Variants in BLK observed in about 807,000 individuals in gnomAD.
BLK encodes BLK proto-oncogene, Src family tyrosine kinase.
A neutral mutation model predicts 61.8 loss-of-function variants in BLK; 64 were observed. The observed-to-expected ratio is 1.03, with a 90% CI of 0.85 to 1.27. The LOEUF is 1.27. BLK is among the 50% of genes most tolerant of loss of function. BLK has a pLI of 0.00. For missense variants in BLK, 853 were observed against 660.5 expected, an observed-to-expected ratio of 1.29 and a Z score of -3.19; for synonymous variants, 351 against 272.0, an observed-to-expected ratio of 1.29 and a Z score of -2.86.
At chr8:11,510,444 T>C (rs1160257643) in intron 1 of BLK, among the ~76,000 whole-genome samples, 1 of 152,062 alleles carries the variant, frequency 6.6e-6, no homozygotes, top group Admixed American at 6.5e-5. Flanking sequence ...GGGTTTCTAA[T>C]CAGAAGTCCA....
intron 1 of BLK, among the ~76,000 whole-genome samples, chr8:11,502,131 T>G (rs901229040): frequency 2.6e-5 from 4 of 152,210 alleles, no homozygotes; most frequent in Non-Finnish European, 5.9e-5. Context: ...CACAGTCAGT[T>G]AAAGAACCTC....
intron 1 of BLK, among the ~76,000 whole-genome samples, chr8:11,520,129 A>G (rs1799382411): frequency 6.6e-6 from 1 of 152,202 alleles, no homozygotes; most frequent in Non-Finnish European, 1.5e-5. Context: ...ATCAAACATG[A>G]TGTTTAATAT....
intron 1 of BLK, among the ~76,000 whole-genome samples, chr8:11,524,183 CATTT>C (rs1012345941): frequency 1.3e-5 from 2 of 152,006 alleles, no homozygotes; most frequent in Admixed American, 6.6e-5. Flanking sequence ...TTCAAAATTA[CATTT>C]ATTTATATAT....
At chr8:11,515,041 A>T (rs1799168627) in intron 1 of BLK, among the ~76,000 whole-genome samples, 2 of 152,104 alleles carry the variant, frequency 1.3e-5, no homozygotes. Context: ...TGCTGCTCTG[A>T]GATTCTTCCC....
At chr8:11,546,489 G>T (rs1800650441) in intron 3 of BLK, among the ~76,000 whole-genome samples, 1 of 152,110 alleles carries the variant, frequency 6.6e-6, no homozygotes, top group South Asian at 2.1e-4. Flanking sequence ...CTATGTGGAG[G>T]GCACCTTCTT....
chr8:11,560,931 G>A (rs759059522), intron 10 of BLK: 64 of 478,664 alleles, frequency 1.3e-4, no homozygotes, highest in Non-Finnish European at 2.2e-4. Flanking sequence ...GCCTGTCCTT[G>A]CCTCCTGCTC....
intron 1 of BLK, among the ~76,000 whole-genome samples, chr8:11,511,563 G>C (rs891934243): frequency 5.9e-5 from 9 of 152,174 alleles, no homozygotes; most frequent in African/African-American, 2.2e-4. Flanking sequence ...TTAAACACAA[G>C]TGTGTATACC....
chr8:11,542,089 G>T (rs946759254), intron 1 of BLK, among the ~76,000 whole-genome samples: 3 of 152,154 alleles, frequency 2.0e-5, no homozygotes, highest in African/African-American at 7.2e-5. Flanking sequence ...GAGGAGCAAT[G>T]ACATGAGGAA....
intron 1 of BLK, among the ~76,000 whole-genome samples, chr8:11,498,947 C>G (rs1382279390): frequency 6.6e-6 from 1 of 152,212 alleles, no homozygotes; most frequent in Non-Finnish European, 1.5e-5. Flanking sequence ...TCTTACATGA[C>G]AACTTCTTTG....
At chr8:11,504,368 A>G (rs62489090) in intron 1 of BLK, among the ~76,000 whole-genome samples, 760 of 11,084 alleles carry the variant, frequency 0.069, 5 homozygotes, top group Non-Finnish European at 0.092. Context: ...AGGAAGGAAG[A>G]AAGAAAAGAA....
At chr8:11,559,292 C>A (rs550742190) in intron 10 of BLK, among the ~76,000 whole-genome samples, 1 of 150,748 alleles carries the variant, frequency 6.6e-6, no homozygotes, top group South Asian at 2.1e-4. Flanking sequence ...CACACATGTA[C>A]ACACACACAC....
At chr8:11,540,966 T>A (rs1160709220) in intron 1 of BLK, among the ~76,000 whole-genome samples, 2 of 152,046 alleles carry the variant, frequency 1.3e-5, no homozygotes, top group Non-Finnish European at 2.9e-5. Flanking sequence ...TCATTCTAAA[T>A]AAAATATTAG....
chr8:11,495,195 A>C (rs1267602343), intron 1 of BLK, among the ~76,000 whole-genome samples: 2 of 152,196 alleles, frequency 1.3e-5, no homozygotes, highest in African/African-American at 4.8e-5. Flanking sequence ...CATATTTTGA[A>C]AGGATTTGTG....
chr8:11,547,199 A>G (rs1188420497), intron 3 of BLK, among the ~76,000 whole-genome samples: 1 of 152,260 alleles, frequency 6.6e-6, no homozygotes, highest in African/African-American at 2.4e-5. Context: ...AATCTGTCAC[A>G]CTTGTGAGCA....
intron 2 of BLK, among the ~76,000 whole-genome samples, chr8:11,544,993 T>A (rs1800561680): frequency 1.3e-5 from 2 of 152,192 alleles, no homozygotes; most frequent in African/African-American, 4.8e-5. Context: ...AATCTGTTTA[T>A]CATTCCTTAG....
At chr8:11,533,175 C>T (rs1799960965) in intron 1 of BLK, among the ~76,000 whole-genome samples, 1 of 152,242 alleles carries the variant, frequency 6.6e-6, no homozygotes, top group African/African-American at 2.4e-5. Context: ...AGCAGGACAT[C>T]TGTGTCTCTA....
intron 1 of BLK, among the ~76,000 whole-genome samples, chr8:11,516,774 T>C (rs1219815932): frequency 6.6e-6 from 1 of 152,242 alleles, no homozygotes; most frequent in Admixed American, 6.5e-5. Flanking sequence ...CCTTCCTTTG[T>C]AAGACTGGAT....
At chr8:11,544,588 A>C (rs1800537289) in intron 2 of BLK, among the ~76,000 whole-genome samples, 1 of 152,224 alleles carries the variant, frequency 6.6e-6, no homozygotes, top group South Asian at 2.1e-4. Context: ...ATTTCCCCAA[A>C]ATTATATGAT....
chr8:11,550,972 C>T (rs1382605175), intron 6 of BLK, among the ~76,000 whole-genome samples: 2 of 152,156 alleles, frequency 1.3e-5, no homozygotes, highest in African/African-American at 4.8e-5. Flanking sequence ...TCCCAGACCA[C>T]CAGGAGCCCC....
Sources: gnomAD v4.1 joint callset for allele counts (sites outside exome capture counted in the v4.1 genomes callset) on GRCh38, gnomAD v4.1.1 for gene constraint, MANE v1.5 for transcripts, NCBI Gene and HGNC (gene_info 2026-07-23, HGNC 2026-07-21) for gene names.